The following PRKAB1 variants were observed in gnomAD, a reference collection of about 807,000 sequenced individuals.
The protein encoded by PRKAB1 is 5'-AMP-activated protein kinase subunit beta-1.
In PRKAB1, 18 loss-of-function variants were observed where a neutral mutation model predicts 32.0. The observed-to-expected ratio is 0.56, with a 90% CI of 0.39 to 0.83. PRKAB1 has a LOEUF of 0.83. Ranked by LOEUF, PRKAB1 falls within the 40% of genes least tolerant of loss-of-function variation. PRKAB1 has a pLI of 0.00. For synonymous variants in PRKAB1, 141 were observed against 141.4 expected, an observed-to-expected ratio of 1.00 and a Z score of 0.02; for missense variants, 263 against 352.6, an observed-to-expected ratio of 0.75 and a Z score of 2.03.
At chr12:119,673,462 G>C (rs1173301214) in intron 2 of PRKAB1, among the ~76,000 whole-genome samples, 1 of 152,200 alleles carries the variant, frequency 6.6e-6, no homozygotes, top group Non-Finnish European at 1.5e-5. Context: ...AGCAGTCACA[G>C]GTCAGTTCAA....
intron 6 of PRKAB1, 71 bp from the exon 7 acceptor site, chr12:119,680,177 A>G: frequency 1.3e-6 from 2 of 1,534,098 alleles, no homozygotes; most frequent in East Asian, 2.3e-5. Context: ...TGAAGCCCTT[A>G]ATGATTCTCA....
rs752474474 is a variant in PRKAB1 at position 119,676,599 on chromosome 12, C to T, written c.595C>T (p.Arg199Cys). Residue 199 changes from arginine (R) to cysteine (C), a missense_variant, in exon 5 of 7, where the codon CGC becomes TGC. Physicochemically the swap from Arg to Cys is radical, Grantham distance 180. Coordinates refer to ENST00000229328, the MANE Select transcript of PRKAB1 (RefSeq NM_006253.5). ...GCCCTACGTCTGCAAACCCGAAGAG[C>T]GCTTTCGGGCACCCCCTATTCTCCC... ...QEPYVCKPEE[R>C]FRAPPILPPH... 29 of 1,613,582 alleles carry T rather than the reference C, an allele frequency of 1.8e-5. No individual in the cohort carries two copies. Among genetic ancestry groups the T allele is most frequent in the East Asian group, 8.9e-5 (4 of 44,882 alleles).
At chr12:119,673,852 C>A in intron 2 of PRKAB1, 112 bp from the exon 3 acceptor site, 1 of 803,126 alleles carries the variant, frequency 1.2e-6, no homozygotes. Flanking sequence ...TGTTCTCCTG[C>A]AGCTGAACTC....
At position 119,674,519 on chromosome 12, in the gene PRKAB1, T is replaced by C. The variant is rs1955409099; in HGVS notation, c.532+65T>C. ...GGGGCTGTACAGTCTAGACATACTC[T>C]TGTTTCTCTTGCCTCTCTTGAGCTG... On this transcript the variant is annotated intron_variant, in intron 4 of 6. Coordinates refer to ENST00000229328, the MANE Select transcript of PRKAB1 (RefSeq NM_006253.5). The surrounding 1 kb of genome is among the most constrained non-coding windows in gnomAD (Gnocchi z 4.3). 1 of 1,187,734 alleles carries C rather than the reference T, an allele frequency of 8.4e-7. No homozygotes were observed. The highest frequency in any genetic ancestry group is 1.9e-5 in the Admixed American group (1 of 51,452). The allele number at this position is 1,187,734 out of a possible 1,614,324, so 73.6% of individuals were successfully genotyped here.
chr12:119,676,035 T>TC lies in PRKAB1; in HGVS notation c.533-495dup, dbSNP rs935953746. 6.6e-5 allele frequency among the ~76,000 whole-genome samples: 10 copies of TC among 152,190 alleles called. No individual in the cohort carries two copies. The South Asian group carries it at 1.0e-3, about 16-fold the overall frequency. Reference sequence around the variant, plus strand: ...CCTTTAGATATTGGGCTTTCAATTTTCCCCCCCATTTTGAAATGTGCCTCG... The same window carrying TC: ...CCTTTAGATATTGGGCTTTCAATTTTCCCCCCCCATTTTGAAATGTGCCTCG... On this transcript the variant is annotated intron_variant, in intron 4 of 6. Transcript: ENST00000229328.
Position 119,672,342 on chromosome 12 carries a change from G to A in PRKAB1, c.201G>A (p.Leu67=). 1.2e-6 allele frequency: 2 copies of A among 1,612,750 alleles called. No individual in the cohort carries two copies. Among genetic ancestry groups the A allele is most frequent in the South Asian group, 2.2e-5 (2 of 90,742 alleles). ...AATTCCTGGCCTGGCAGCATGATCTGGAAGTGAATGATAAAGCTCCCGCCC... is the reference window on the plus strand; with the variant it reads ...AATTCCTGGCCTGGCAGCATGATCTAGAAGTGAATGATAAAGCTCCCGCCC... ...KEEFLAWQHD[L]EVNDKAPAQA... Residue 67 remains leucine (L), a synonymous_variant, in exon 2 of 7, where the codon CTG becomes CTA. Transcript: ENST00000229328.
In PRKAB1 at chr12:119,680,969, T is replaced by A. The variant is rs1955460312; in HGVS notation, c.*644T>A. Reference sequence around the variant, plus strand: ...CTTTTTGTAAGCAGAGGTGGCTGGCTCTGCAGCCTTAAGGCCATTTTTTAA... The same window carrying A: ...CTTTTTGTAAGCAGAGGTGGCTGGCACTGCAGCCTTAAGGCCATTTTTTAA... On this transcript the variant is annotated 3_prime_UTR_variant, in exon 7 of 7. Coordinates refer to ENST00000229328, the MANE Select transcript of PRKAB1 (RefSeq NM_006253.5). 1 of 152,602 alleles carries A rather than the reference T, an allele frequency of 6.6e-6. No homozygotes were observed. Among genetic ancestry groups the A allele is most frequent in the Non-Finnish European group, 1.5e-5 (1 of 68,166 alleles). 9.5% of individuals were successfully genotyped at this position (152,602 alleles called of 1,614,324 possible).
chr12:119,669,567 C>T (rs957190764), intron 1 of PRKAB1: 1 of 151,578 alleles, frequency 6.6e-6, no homozygotes, highest in Non-Finnish European at 1.5e-5. Context: ...CTGAACCCAC[C>T]CTACTTATTT....
In PRKAB1 at chr12:119,674,785, C is replaced by T. The variant is rs1194147138; in HGVS notation, c.532+331C>T. 6.6e-6 allele frequency among the ~76,000 whole-genome samples: 1 copy of T among 152,218 alleles called. No homozygotes were observed. Among genetic ancestry groups the T allele is most frequent in the African/African-American group, 2.4e-5 (1 of 41,444 alleles). The stretch of plus-strand genomic sequence containing the variant: ...GGGTGGCACTGAGTCAGTGACAGCC[C>T]AGCACTGGGGAAGCCTGTGTCTCAT... On this transcript the variant is annotated intron_variant, in intron 4 of 6. Coordinates refer to ENST00000229328, the MANE Select transcript of PRKAB1 (RefSeq NM_006253.5). This position sits in a 1 kb window ranked among gnomAD's most constrained non-coding sequence, Gnocchi z 4.3.
rs751308394 is a variant in PRKAB1 at position 119,674,308 on chromosome 12, G to A, written c.418-32G>A. ...AAGAATAACTCCGCAGACCTTCCAC[G>A]TTATGATTTCTGCCTATCTGTCTCT... is the stretch of plus-strand genomic sequence containing the variant. On this transcript the variant is annotated intron_variant, in intron 3 of 6. Coordinates refer to ENST00000229328, the MANE Select transcript of PRKAB1 (RefSeq NM_006253.5). The surrounding 1 kb of genome is among the most constrained non-coding windows in gnomAD (Gnocchi z 4.3). 1.4e-5 allele frequency: 22 copies of A among 1,525,220 alleles called. No individual in the cohort carries two copies. Among genetic ancestry groups the A allele is most frequent in the African/African-American group, 1.1e-4 (8 of 72,916 alleles). 94.5% of individuals were successfully genotyped at this position (1,525,220 alleles called of 1,614,324 possible).
chr12:119,674,337 C>T lies in PRKAB1; in HGVS notation c.418-3C>T. ...TGATTTCTGCCTATCTGTCTCTTCCCAGCCCATAGTAACCAGCCAGCTTGG... is the reference window on the plus strand; with the variant it reads ...TGATTTCTGCCTATCTGTCTCTTCCTAGCCCATAGTAACCAGCCAGCTTGG... On this transcript the variant is annotated splice_region_variant and splice_polypyrimidine_tract_variant and intron_variant, in intron 3 of 6. Transcript: ENST00000229328. The surrounding 1 kb of genome is among the most constrained non-coding windows in gnomAD (Gnocchi z 4.3). The T allele has an allele frequency of 6.2e-7, 1 of 1,605,122 alleles. No homozygotes were observed. Among genetic ancestry groups the T allele is most frequent in the Non-Finnish European group, 8.5e-7 (1 of 1,171,922 alleles).
At chr12:119,675,761 G>T (rs1310583594) in intron 4 of PRKAB1, among the ~76,000 whole-genome samples, 2 of 152,214 alleles carry the variant, frequency 1.3e-5, no homozygotes, top group African/African-American at 2.4e-5. Flanking sequence ...CCTGAAAAAT[G>T]ACATTGAGGG....
intron 1 of PRKAB1, among the ~76,000 whole-genome samples, chr12:119,670,198 T>C (rs1955377362): frequency 6.6e-6 from 1 of 152,240 alleles, no homozygotes; most frequent in African/African-American, 2.4e-5. Flanking sequence ...TTATGTGTTA[T>C]GTCCAAAAGG....
At position 119,674,574 on chromosome 12, in the gene PRKAB1, C is replaced by A; in HGVS notation, c.532+120C>A. The A allele has an allele frequency of 1.5e-6, 1 of 666,528 alleles. No individual in the cohort carries two copies. Among genetic ancestry groups the A allele is most frequent in the Non-Finnish European group, 2.5e-6 (1 of 403,194 alleles). 41.3% of individuals were successfully genotyped at this position (666,528 alleles called of 1,614,324 possible). On this transcript the variant is annotated intron_variant, in intron 4 of 6. Transcript: ENST00000229328. The surrounding 1 kb of genome is among the most constrained non-coding windows in gnomAD (Gnocchi z 4.3). ...TGCCCAGTCAGATAGGCATTTATAGCCCCCACTTAAAGGCCACAGAACTTA... is the reference window on the plus strand; with the variant it reads ...TGCCCAGTCAGATAGGCATTTATAGACCCCACTTAAAGGCCACAGAACTTA...
Position 119,679,626 on chromosome 12 carries a change from T to G in PRKAB1, c.667-307T>G. The G allele has an allele frequency of 2.5e-6, 1 of 397,038 alleles. No individual in the cohort carries two copies. Among genetic ancestry groups the G allele is most frequent in the Non-Finnish European group, 4.8e-6 (1 of 209,060 alleles). The allele number at this position is 397,038 out of a possible 1,614,324, so 24.6% of individuals were successfully genotyped here. A position where few individuals can be genotyped will look rare whatever the true frequency, so the allele number is the denominator to read the frequency against. On this transcript the variant is annotated intron_variant, in intron 5 of 6. Coordinates refer to ENST00000229328, the MANE Select transcript of PRKAB1 (RefSeq NM_006253.5). This position sits in a 1 kb window ranked among gnomAD's most constrained non-coding sequence, Gnocchi z 4.1. ...TCTGAAAGTGCTGTTAATAGCTGCT[T>G]TCTTCCTGCCCCACCCTCCATAAGA... is the stretch of plus-strand genomic sequence containing the variant.
chr12:119,669,031 G>A (rs1392268066), intron 1 of PRKAB1, among the ~76,000 whole-genome samples: 1 of 151,728 alleles, frequency 6.6e-6, no homozygotes, highest in Non-Finnish European at 1.5e-5. Flanking sequence ...GCAGGAGAAT[G>A]GCGTGAACCC....
rs1565877896 is a variant in PRKAB1, at chr12:119,680,883, G to A, written c.*558G>A. The A allele has an allele frequency of 1.3e-5, 2 of 152,870 alleles. No individual in the cohort carries two copies. Among genetic ancestry groups the A allele is most frequent in the Admixed American group, 1.3e-4 (2 of 15,354 alleles). The allele number at this position is 152,870 out of a possible 1,614,324, so 9.5% of individuals were successfully genotyped here. A position where few individuals can be genotyped will look rare whatever the true frequency, so the allele number is the denominator to read the frequency against. ...GGTGTCATTTCTATAGAAATTAGAA[G>A]CTTTCTGATTTCTAGATGAGGTTTT... On this transcript the variant is annotated 3_prime_UTR_variant, in exon 7 of 7. Transcript: ENST00000229328.
chr12:119,668,013 C>T, upstream of PRKAB1: 1 of 522,806 alleles, frequency 1.9e-6, no homozygotes, highest in Non-Finnish European at 3.3e-6. Flanking sequence ...ATCTTCGCGC[C>T]CCTTGCGTTC....
In PRKAB1 at chr12:119,679,342, T is replaced by C. The variant is rs531568008; in HGVS notation, c.667-591T>C. 1 of 153,706 alleles carries C rather than the reference T, an allele frequency of 6.5e-6. No homozygotes were observed. The highest frequency in any genetic ancestry group is 1.9e-4 in the East Asian group (1 of 5,210). The allele number at this position is 153,706 out of a possible 1,614,324, so 9.5% of individuals were successfully genotyped here. A position where few individuals can be genotyped will look rare whatever the true frequency, so the allele number is the denominator to read the frequency against. On this transcript the variant is annotated intron_variant, in intron 5 of 6. Coordinates refer to ENST00000229328, the MANE Select transcript of PRKAB1 (RefSeq NM_006253.5). The surrounding 1 kb of genome is among the most constrained non-coding windows in gnomAD (Gnocchi z 4.1). ...GATCCTAAGCCTACAGCAGTTGTTC[T>C]ACACTTTTTTCCATTTGAATTGCAT...
Sources: gnomAD v4.1 joint callset for allele counts (sites outside exome capture counted in the v4.1 genomes callset) on GRCh38, gnomAD v4.1.1 for gene constraint, Gnocchi (gnomAD v3.1) non-coding constraint, MANE v1.5 for transcripts, NCBI Gene and HGNC (gene_info 2026-07-23, HGNC 2026-07-21) for gene names.